Variants in TRPC5 observed in about 807,000 individuals in gnomAD.
TRPC5 encodes the protein short transient receptor potential channel 5.
In TRPC5, 9 loss-of-function variants were observed where a neutral mutation model predicts 56.5. The ratio of observed to expected loss-of-function variants is 0.16; its 90% confidence interval spans 0.10 to 0.28. The LOEUF is 0.28. Among genes scored for constraint, TRPC5 ranks in the 10% least tolerant of loss-of-function variants. The pLI is 1.00. For missense variants in TRPC5, 469 were observed against 748.9 expected, an observed-to-expected ratio of 0.63 and a Z score of 4.36; for synonymous variants, 282 against 278.5, an observed-to-expected ratio of 1.01 and a Z score of -0.13.
intron 7 of TRPC5, among the ~76,000 whole-genome samples, chrX:111,813,231 T>C (rs754735675): frequency 2.3e-3 from 259 of 112,435 alleles, no homozygotes; most frequent in African/African-American, 7.9e-3. Context: ...AGGACTTTTG[T>C]GCGGCTATAA....
intron 2 of TRPC5, among the ~76,000 whole-genome samples, chrX:111,927,707 C>T (rs1242313407): frequency 9.0e-6 from 1 of 111,031 alleles, no homozygotes; most frequent in African/African-American, 3.3e-5. Context: ...TATCTCATGG[C>T]AACACCACAG....
chrX:111,875,518 G>A (rs1403020285), intron 3 of TRPC5, among the ~76,000 whole-genome samples: 2 of 106,577 alleles, frequency 1.9e-5, no homozygotes, highest in African/African-American at 6.9e-5. Context: ...AAGTGTGTAT[G>A]TGTAGGGCCC....
intron 5 of TRPC5, among the ~76,000 whole-genome samples, chrX:111,849,321 A>G (rs1923018057): frequency 8.9e-6 from 1 of 112,599 alleles, no homozygotes; most frequent in Non-Finnish European, 1.9e-5. Context: ...AAGATATAGT[A>G]TGTATGTGCA....
At chrX:111,963,074 G>A (rs1369348209) in intron 1 of TRPC5, among the ~76,000 whole-genome samples, 1 of 112,224 alleles carries the variant, frequency 8.9e-6, no homozygotes, top group Non-Finnish European at 1.9e-5. Flanking sequence ...CCCTTTCCTA[G>A]TCAAAGAAAG....
intron 7 of TRPC5, among the ~76,000 whole-genome samples, chrX:111,826,312 T>C (rs1050590725): frequency 1.8e-5 from 2 of 112,453 alleles, no homozygotes; most frequent in African/African-American, 6.5e-5. Flanking sequence ...AGCTCTTGTA[T>C]CTCTTACAGA....
chrX:111,797,692 A>C (rs1168370266), intron 7 of TRPC5, among the ~76,000 whole-genome samples: 1 of 111,673 alleles, frequency 9.0e-6, no homozygotes, highest in Non-Finnish European at 1.9e-5. Flanking sequence ...TTTTATTTTG[A>C]TGTGGCTCAA....
chrX:112,048,394 C>T (rs899051220), intron 1 of TRPC5, among the ~76,000 whole-genome samples: 40 of 51,611 alleles, frequency 7.8e-4, no homozygotes, highest in Non-Finnish European at 1.1e-3. Flanking sequence ...AGCAAGACTC[C>T]GTATCAAAAA....
At chrX:111,976,677 G>A (rs891043821) in intron 1 of TRPC5, among the ~76,000 whole-genome samples, 2 of 110,908 alleles carry the variant, frequency 1.8e-5, no homozygotes, top group African/African-American at 6.5e-5. Context: ...ATGAAAATTG[G>A]AAAGGAAGAA....
At chrX:112,075,278 A>G (rs1025366237) in intron 1 of TRPC5, among the ~76,000 whole-genome samples, 13 of 112,287 alleles carry the variant, frequency 1.2e-4, no homozygotes, top group African/African-American at 3.9e-4. Flanking sequence ...ATTTGGAGGA[A>G]GAGTGACCTG....
chrX:111,858,258 T>G (rs1923296852), intron 3 of TRPC5, among the ~76,000 whole-genome samples: 1 of 111,348 alleles, frequency 9.0e-6, no homozygotes, highest in Non-Finnish European at 1.9e-5. Flanking sequence ...TAAGAACGCC[T>G]CAGAAAGAAG....
At chrX:111,829,301 C>CAAA (rs34464345) in intron 7 of TRPC5, among the ~76,000 whole-genome samples, 6 of 22,338 alleles carry the variant, frequency 2.7e-4, no homozygotes, top group Non-Finnish European at 3.3e-4. Context: ...GACTCTGTCT[C>CAAA]AAAAAAAAAA....
At chrX:111,999,442 A>G (rs1473306894) in intron 1 of TRPC5, among the ~76,000 whole-genome samples, 2 of 111,586 alleles carry the variant, frequency 1.8e-5, no homozygotes, top group Non-Finnish European at 3.8e-5. Flanking sequence ...TGCAAATGAC[A>G]GGATTTCATT....
intron 3 of TRPC5, among the ~76,000 whole-genome samples, chrX:111,869,944 G>C (rs1170969337): frequency 1.8e-5 from 2 of 112,044 alleles, no homozygotes; most frequent in Non-Finnish European, 3.8e-5. Context: ...GTGTGGTTAG[G>C]TCAGCTGTGG....
At chrX:111,918,307 A>G (rs1926033300) in intron 2 of TRPC5, among the ~76,000 whole-genome samples, 1 of 111,668 alleles carries the variant, frequency 9.0e-6, no homozygotes, top group African/African-American at 3.3e-5. Flanking sequence ...TTCTCATTGA[A>G]ATGGGAGGTG....
At chrX:111,842,747 T>G (rs778207327) in intron 6 of TRPC5, among the ~76,000 whole-genome samples, 19 of 112,125 alleles carry the variant, frequency 1.7e-4, no homozygotes, top group Non-Finnish European at 3.6e-4. Context: ...AATGTAGAGC[T>G]TTGCTCTTGG....
intron 1 of TRPC5, among the ~76,000 whole-genome samples, chrX:111,998,157 T>A (rs1260828706): frequency 8.9e-6 from 1 of 111,965 alleles, no homozygotes. Context: ...TTGATCCTGA[T>A]GACCTCAGTT....
At position 111,770,243 on chromosome X, in the gene TRPC5, TGAAG is replaced by T. The variant is rs1351824237; in HGVS notation, c.*6066_*6069del. ...CCCACTTTATTTCTTAGATAAAATT[TGAAG>T]GAAGTGATCTTTCCAATTGGCTAAA... On this transcript the variant is annotated 3_prime_UTR_variant, in exon 11 of 11. Transcript: ENST00000262839. 9.0e-6 allele frequency among the ~76,000 whole-genome samples: 1 copy of T among 111,687 alleles called. No individual in the cohort carries two copies. Among genetic ancestry groups the T allele is most frequent in the East Asian group, 2.8e-4 (1 of 3,549 alleles).
chrX:111,772,829 A>C lies in TRPC5; in HGVS notation c.*3484T>G, dbSNP rs1393502999. ...ACAAACCAAGGTCTGGGGCACTAAA[A>C]CTATTAGTCAAAACACCACACGAGA... On this transcript the variant is annotated 3_prime_UTR_variant, in exon 11 of 11. Coordinates refer to ENST00000262839, the MANE Select transcript of TRPC5 (RefSeq NM_012471.3). Among the ~76,000 whole-genome samples the C allele has an allele frequency of 9.0e-6, 1 of 110,768 alleles. No homozygotes were observed. The highest frequency in any genetic ancestry group is 1.9e-5 in the Non-Finnish European group (1 of 53,004).
intron 1 of TRPC5, among the ~76,000 whole-genome samples, chrX:112,063,281 T>C (rs917102083): frequency 8.9e-6 from 1 of 112,095 alleles, no homozygotes; most frequent in Non-Finnish European, 1.9e-5. Flanking sequence ...ATCAATTCCA[T>C]TGTTTCCTGA....
Sources: allele counts gnomAD v4.1 joint callset (sites outside exome capture counted in the v4.1 genomes callset), GRCh38; gene constraint gnomAD v4.1.1; transcripts MANE v1.5; gene names NCBI Gene and HGNC (gene_info 2026-07-23, HGNC 2026-07-21).